Variants in SERINC5 observed in about 807,000 individuals in gnomAD.
The protein encoded by SERINC5 is chromosome 5 open reading frame 12.
SERINC5 carries 41 observed loss-of-function variants against 63.1 expected under a neutral mutation model. The observed-to-expected ratio is 0.65, with a 90% confidence interval of 0.51 to 0.84. The LOEUF (loss-of-function observed/expected upper bound fraction) is 0.84, where lower values mean the gene tolerates loss of function less well. Ranked by LOEUF, SERINC5 falls within the 40% of genes least tolerant of loss-of-function variation. The pLI, the probability that SERINC5 is intolerant of heterozygous loss-of-function variation, is 0.00. For missense variants in SERINC5, 523 were observed against 573.0 expected, an observed-to-expected ratio of 0.91 and a Z score of 0.89; for synonymous variants, 222 against 215.2, an observed-to-expected ratio of 1.03 and a Z score of -0.28.
chr5:80,143,858 G>T, intron 11 of SERINC5, 48 bp from the exon 12 acceptor site: 1 of 1,528,200 alleles, frequency 6.5e-7, no homozygotes, highest in Non-Finnish European at 8.8e-7. Flanking sequence ...AATATATTGA[G>T]ATACAATTCA....
chr5:80,218,371 T>C lies in SERINC5; in HGVS notation c.28-15318A>G, dbSNP rs535434627. On this transcript the variant is annotated intron_variant, in intron 1 of 11. Transcript: ENST00000507668. ...GCCTGACCAATATGAAGAAACCCCA[T>C]CTCTACTAAAAATACAAAATTAGCC... 1.2e-4 allele frequency among the ~76,000 whole-genome samples: 18 copies of C among 152,110 alleles called. No individual in the cohort carries two copies. The South Asian group carries it at 3.5e-3, about 30-fold the overall frequency.
intron 9 of SERINC5, among the ~76,000 whole-genome samples, chr5:80,148,254 G>A (rs375609603): frequency 4.1e-5 from 6 of 145,350 alleles, no homozygotes; most frequent in South Asian, 2.1e-4. Flanking sequence ...GCAATGGCAC[G>A]ATCTCGGCTC....
chr5:80,154,313 G>A (rs1212291437), intron 8 of SERINC5, among the ~76,000 whole-genome samples: 1 of 152,100 alleles, frequency 6.6e-6, no homozygotes, highest in Admixed American at 6.6e-5. Context: ...CCGAGTAGCT[G>A]GGGTTACAGG....
intron 8 of SERINC5, among the ~76,000 whole-genome samples, chr5:80,155,967 T>C (rs1746495889): frequency 6.6e-6 from 1 of 151,920 alleles, no homozygotes; most frequent in East Asian, 1.9e-4. Flanking sequence ...AACATACTCC[T>C]AGAGAGTACC....
At chr5:80,167,246 C>T (rs1287494344) in intron 6 of SERINC5, 2 of 152,150 alleles carry the variant, frequency 1.3e-5, no homozygotes, top group African/African-American at 4.8e-5. Context: ...CCTCCACCCT[C>T]TGATAGGCCC....
At chr5:80,192,680 A>G (rs1363623499) in intron 2 of SERINC5, among the ~76,000 whole-genome samples, 1 of 152,172 alleles carries the variant, frequency 6.6e-6, no homozygotes, top group East Asian at 1.9e-4. Context: ...ATAATTTTAG[A>G]TCTATTTGAA....
At chr5:80,209,356 C>CAT (rs1750326838) in intron 1 of SERINC5, among the ~76,000 whole-genome samples, 1 of 152,190 alleles carries the variant, frequency 6.6e-6, no homozygotes, top group African/African-American at 2.4e-5. Context: ...GGAGGACACA[C>CAT]ACACAGGGAC....
intron 2 of SERINC5, among the ~76,000 whole-genome samples, chr5:80,195,763 A>T (rs1365175745): frequency 6.6e-6 from 1 of 152,236 alleles, no homozygotes; most frequent in Admixed American, 6.5e-5. Context: ...CTGTAAACAG[A>T]CTAAAAGATG....
At chr5:80,121,458 C>T (rs1207665249) in intron 11 of SERINC5, among the ~76,000 whole-genome samples, 7 of 152,248 alleles carry the variant, frequency 4.6e-5, no homozygotes, top group African/African-American at 1.7e-4. Context: ...ACAAGGTCAG[C>T]ATCAAGGCGT....
intron 1 of SERINC5, among the ~76,000 whole-genome samples, chr5:80,207,720 C>T (rs989142871): frequency 6.6e-6 from 1 of 152,214 alleles, no homozygotes; most frequent in Non-Finnish European, 1.5e-5. Context: ...TATACACACA[C>T]ATTCCAAATA....
intron 7 of SERINC5, among the ~76,000 whole-genome samples, chr5:80,166,011 T>C (rs867820306): frequency 5.9e-5 from 9 of 152,226 alleles, no homozygotes; most frequent in Middle Eastern, 3.2e-3. Context: ...CTGTGGTACA[T>C]GAGATGTTTT....
chr5:80,148,035 C>T (rs779046646), intron 9 of SERINC5, among the ~76,000 whole-genome samples: 40 of 151,862 alleles, frequency 2.6e-4, no homozygotes, highest in Non-Finnish European at 4.4e-4. Context: ...AGGAGCTTGG[C>T]GAAGCTGGTA....
Position 80,203,274 on chromosome 5 carries a change from G to A in SERINC5, c.28-221C>T, listed in dbSNP as rs1318932887. ...TATATACACATATATATATATATGT[G>A]TATATATATTTATATATATTGAGAC... On this transcript the variant is annotated intron_variant, in intron 1 of 11. Transcript: ENST00000507668. 6.9e-5 allele frequency: 12 copies of A among 172,664 alleles called. No individual in the cohort carries two copies. In the Admixed American group the frequency reaches 7.3e-4, roughly 11 times the overall value. The allele number at this position is 172,664 out of a possible 1,614,324, so 10.7% of individuals were successfully genotyped here.
At chr5:80,153,818 A>G (rs888349239) in intron 8 of SERINC5, among the ~76,000 whole-genome samples, 23 of 152,060 alleles carry the variant, frequency 1.5e-4, no homozygotes, top group Non-Finnish European at 2.9e-4. Flanking sequence ...CAAAAAAAAA[A>G]AAAAGAAAAG....
chr5:80,168,534 T>C (rs1747450655), intron 6 of SERINC5, among the ~76,000 whole-genome samples: 1 of 152,126 alleles, frequency 6.6e-6, no homozygotes. Flanking sequence ...ATTTTAGAAA[T>C]GATTCAAGGG....
At chr5:80,181,804 G>A (rs183393450) in intron 2 of SERINC5, among the ~76,000 whole-genome samples, 4 of 152,236 alleles carry the variant, frequency 2.6e-5, no homozygotes, top group South Asian at 2.1e-4. Flanking sequence ...GGGTAGGTAC[G>A]GTTCTAACTC....
intron 11 of SERINC5, among the ~76,000 whole-genome samples, chr5:80,115,141 A>T (rs1744282481): frequency 6.6e-6 from 1 of 152,022 alleles, no homozygotes; most frequent in Non-Finnish European, 1.5e-5. Flanking sequence ...ACTTCACTAT[A>T]GCGACTGCTT....
chr5:80,194,451 G>A (rs1399225238), intron 2 of SERINC5, among the ~76,000 whole-genome samples: 1 of 152,168 alleles, frequency 6.6e-6, no homozygotes, highest in Admixed American at 6.5e-5. Flanking sequence ...GATCAAAGCG[G>A]AATATTTTTC....
chr5:80,182,441 C>T (rs754807721), intron 2 of SERINC5, among the ~76,000 whole-genome samples: 2 of 151,148 alleles, frequency 1.3e-5, no homozygotes, highest in South Asian at 2.1e-4. Context: ...CCATACATTT[C>T]TTCCCCTCAC....
Sources: gnomAD v4.1 joint callset for allele counts (sites outside exome capture counted in the v4.1 genomes callset) on GRCh38, gnomAD v4.1.1 for gene constraint, MANE v1.5 for transcripts, NCBI Gene and HGNC (gene_info 2026-07-23, HGNC 2026-07-21) for gene names.